The following CPSF6 variants were observed in gnomAD, a reference collection of about 807,000 sequenced individuals.
CPSF6 encodes the protein cleavage and polyadenylation specific factor 6.
CPSF6 carries 10 observed loss-of-function variants against 56.7 expected under a neutral mutation model. The ratio of observed to expected loss-of-function variants is 0.18; its 90% CI spans 0.11 to 0.30. The LOEUF (loss-of-function observed/expected upper bound fraction) is 0.30, where lower values mean the gene tolerates loss of function less well. Among genes scored for constraint, CPSF6 ranks in the 10% least tolerant of loss-of-function variants. The probability of loss-of-function intolerance (pLI) is 1.00; values close to 1 mark genes in which losing one functional copy is unlikely to be tolerated. For missense variants in CPSF6, 419 were observed against 722.9 expected, an observed-to-expected ratio of 0.58 and a Z score of 4.82; for synonymous variants, 248 against 244.8, an observed-to-expected ratio of 1.01 and a Z score of -0.12.
intron 9 of CPSF6, among the ~76,000 whole-genome samples, chr12:69,262,936 T>A (rs1451031882): frequency 6.6e-6 from 1 of 152,160 alleles, no homozygotes; most frequent in Non-Finnish European, 1.5e-5. Flanking sequence ...TTCACATATA[T>A]GTTATGTGTT....
intron 1 of CPSF6, among the ~76,000 whole-genome samples, chr12:69,250,590 C>CA (rs61337613): frequency 0.06 from 2,946 of 48,830 alleles, 48 homozygotes; most frequent in Middle Eastern, 0.21. Flanking sequence ...CTGGTCTCTA[C>CA]AAAAAAAAAA....
At chr12:69,253,179 T>A (rs1246962290) in intron 3 of CPSF6, 25 bp downstream of exon 3, 1 of 1,201,854 alleles carries the variant, frequency 8.3e-7, no homozygotes, top group Non-Finnish European at 1.2e-6. Flanking sequence ...TCTTTCTTTT[T>A]GATTTAGTAG....
At chr12:69,241,579 A>G (rs1329881403) in intron 1 of CPSF6, among the ~76,000 whole-genome samples, 1 of 152,146 alleles carries the variant, frequency 6.6e-6, no homozygotes, top group Non-Finnish European at 1.5e-5. Flanking sequence ...TTGCATACTT[A>G]ATTTGAGAGG....
chr12:69,251,390 C>G (rs1872234714), intron 2 of CPSF6, 52 bp downstream of exon 2: 1 of 1,150,144 alleles, frequency 8.7e-7, no homozygotes, highest in South Asian at 1.5e-5. Flanking sequence ...TTTTGAACTG[C>G]TCTAGTAATT....
chr12:69,273,680 A>G lies in CPSF6; in HGVS notation c.*4172A>G, dbSNP rs1873362883. The G allele has an allele frequency of 2.0e-5, 3 of 151,964 alleles. No homozygotes were observed. The highest frequency in any genetic ancestry group is 7.2e-5 in the African/African-American group (3 of 41,442). The allele number at this position is 151,964 out of a possible 1,614,324, so 9.4% of individuals were successfully genotyped here. On this transcript the variant is annotated 3_prime_UTR_variant, in exon 10 of 10. Coordinates refer to ENST00000435070, the MANE Select transcript of CPSF6 (RefSeq NM_007007.3). ...TAAGTTAAATTATTTTAAAATAACT[A>G]TGGTGAATTCATGTTTATTTTTTTA...
At chr12:69,248,619 CA>C (rs934219414) in intron 1 of CPSF6, among the ~76,000 whole-genome samples, 1 of 152,128 alleles carries the variant, frequency 6.6e-6, no homozygotes, top group Non-Finnish European at 1.5e-5. Flanking sequence ...CTTTGTTTAA[CA>C]AAAACTCATT....
intron 1 of CPSF6, 111 bp from the exon 2 acceptor site, chr12:69,251,018 C>A: frequency 2.9e-6 from 3 of 1,029,622 alleles, no homozygotes; most frequent in Middle Eastern, 3.2e-4. Flanking sequence ...TACTGAAATC[C>A]TTGGCCTTTT....
rs538952413 is a variant in CPSF6 at position 69,266,605 on chromosome 12, G to T, written c.*4-2907G>T. The stretch of plus-strand genomic sequence containing the variant: ...TGTCTTGAATGAATATTTAGTTAAC[G>T]TTGTTTAAAGAAACCTAATAACCAA... On this transcript the variant is annotated intron_variant, in intron 9 of 9. Coordinates refer to ENST00000435070, the MANE Select transcript of CPSF6 (RefSeq NM_007007.3). 2.0e-5 allele frequency among the ~76,000 whole-genome samples: 3 copies of T among 152,160 alleles called. No individual in the cohort carries two copies. The South Asian group carries it at 6.2e-4, about 32-fold the overall frequency.
At position 69,270,832 on chromosome 12, in the gene CPSF6, G is replaced by A. The variant is rs1280303280; in HGVS notation, c.*1324G>A. The A allele has an allele frequency of 6.6e-6, 1 of 151,762 alleles. No homozygotes were observed. Among genetic ancestry groups the A allele is most frequent in the East Asian group, 1.9e-4 (1 of 5,178 alleles). The allele number at this position is 151,762 out of a possible 1,614,324, so 9.4% of individuals were successfully genotyped here. On this transcript the variant is annotated 3_prime_UTR_variant, in exon 10 of 10. Coordinates refer to ENST00000435070, the MANE Select transcript of CPSF6 (RefSeq NM_007007.3). ...TCAACTTGATTAGGTGTTTTTATGG[G>A]AATGTAATTTGAAATCACTACTTCA...
Position 69,260,137 on chromosome 12 carries a change from T to C in CPSF6, c.1409T>C (p.Ile470Thr), listed in dbSNP as rs759632546. 2.5e-6 allele frequency: 4 copies of C among 1,613,516 alleles called. No individual in the cohort carries two copies. The highest frequency in any genetic ancestry group is 2.5e-6 in the Non-Finnish European group (3 of 1,179,806). Residue 470 changes from isoleucine to threonine, a missense_variant, in exon 8 of 10, where the codon ATT (isoleucine) becomes ACT (threonine). By Grantham distance (89) the Ile-to-Thr change is moderately conservative. Transcript: ENST00000435070. ...GCTGATGATCGTTGCAAAGTTCTTATTAGTTCTTTGCAAGATTGCCTTCAT... is the reference window on the plus strand; with the variant it reads ...GCTGATGATCGTTGCAAAGTTCTTACTAGTTCTTTGCAAGATTGCCTTCAT... ...VSADDRCKVL[I>T]SSLQDCLHGI...
chr12:69,239,845 C>T, intron 1 of CPSF6, 139 bp downstream of exon 1: 1 of 697,146 alleles, frequency 1.4e-6, no homozygotes, highest in African/African-American at 1.9e-5. Flanking sequence ...CCGCCGACCC[C>T]TGGCGTGGCG....
At chr12:69,261,120 T>C (rs1275266948) in intron 8 of CPSF6, among the ~76,000 whole-genome samples, 1 of 152,226 alleles carries the variant, frequency 6.6e-6, no homozygotes, top group East Asian at 1.9e-4. Context: ...TATTCTTAGA[T>C]ATGTCTTTAG....
intron 1 of CPSF6, among the ~76,000 whole-genome samples, chr12:69,247,476 G>A (rs1871975155): frequency 6.6e-6 from 1 of 151,844 alleles, no homozygotes; most frequent in Non-Finnish European, 1.5e-5. Context: ...GCAACATTTG[G>A]TATCAAAGAT....
At chr12:69,249,786 A>T (rs748190042) in intron 1 of CPSF6, among the ~76,000 whole-genome samples, 3 of 152,194 alleles carry the variant, frequency 2.0e-5, no homozygotes, top group Non-Finnish European at 2.9e-5. Context: ...TCATGTACTT[A>T]GTTACAAATT....
chr12:69,250,638 C>G (rs1349965784), intron 1 of CPSF6, among the ~76,000 whole-genome samples: 2 of 97,566 alleles, frequency 2.0e-5, no homozygotes, highest in East Asian at 2.9e-4. Flanking sequence ...AAGGAAACCC[C>G]CTTTTTTTGT....
At position 69,239,605 on chromosome 12, in the gene CPSF6, G is replaced by A. The variant is rs985861721; in HGVS notation, c.-42G>A. On this transcript the variant is annotated 5_prime_UTR_variant, in exon 1 of 10. Coordinates refer to ENST00000435070, the MANE Select transcript of CPSF6 (RefSeq NM_007007.3). ...TGCTGCTGCCGCGGCGGGCAGACCT[G>A]CAGGAGGCGGCGGCGGCGGCGGCGG... The A allele has an allele frequency of 2.6e-6, 4 of 1,536,416 alleles. No homozygotes were observed. Among genetic ancestry groups the A allele is most frequent in the Admixed American group, 2.0e-5 (1 of 50,052 alleles).
intron 3 of CPSF6, among the ~76,000 whole-genome samples, chr12:69,253,614 G>A (rs1047644278): frequency 2.0e-5 from 3 of 152,194 alleles, no homozygotes; most frequent in Middle Eastern, 3.4e-3. Flanking sequence ...AAATACCACT[G>A]TCCTACCATT....
chr12:69,246,099 A>G (rs2120445275), intron 1 of CPSF6, among the ~76,000 whole-genome samples: 1 of 152,278 alleles, frequency 6.6e-6, no homozygotes, highest in South Asian at 2.1e-4. Flanking sequence ...ACAAAAATAG[A>G]TTAATTACTT....
intron 1 of CPSF6, among the ~76,000 whole-genome samples, chr12:69,244,965 ATGGTATAG>A (rs1477391277): frequency 1.3e-5 from 2 of 152,108 alleles, no homozygotes; most frequent in African/African-American, 4.8e-5. Flanking sequence ...GATTAAAAGT[ATGGTATAG>A]TTGGCCTTGG....
Sources: gnomAD v4.1 joint callset for allele counts (sites outside exome capture counted in the v4.1 genomes callset) on GRCh38, gnomAD v4.1.1 for gene constraint, MANE v1.5 for transcripts, NCBI Gene and HGNC (gene_info 2026-07-23, HGNC 2026-07-21) for gene names.